The following NRG3 variants were observed in gnomAD, a reference collection of about 807,000 sequenced individuals.
The protein encoded by NRG3 is pro-neuregulin-3, membrane-bound isoform.
A neutral mutation model predicts 66.9 loss-of-function variants in NRG3; 31 were observed. The ratio of observed to expected loss-of-function variants is 0.46; its 90% confidence interval spans 0.35 to 0.63. The LOEUF (loss-of-function observed/expected upper bound fraction) is 0.63, where lower values mean the gene tolerates loss of function less well. Among genes scored for constraint, NRG3 ranks in the 20% least tolerant of loss-of-function variants. The probability of loss-of-function intolerance (pLI) is 0.00; values close to 1 mark genes in which losing one functional copy is unlikely to be tolerated. For missense variants in NRG3, 910 were observed against 878.9 expected (o/e 1.04, Z -0.45); for synonymous variants, 393 against 359.4 (o/e 1.09, Z -1.06).
chr10:82,660,530 T>G (rs2052273736), intron 2 of NRG3, among the ~76,000 whole-genome samples: 1 of 152,182 alleles, frequency 6.6e-6, no homozygotes, highest in African/African-American at 2.4e-5. Flanking sequence ...AAGACATTAA[T>G]GTAAAGTGGC....
chr10:82,748,824 T>A (rs890909458), intron 3 of NRG3, among the ~76,000 whole-genome samples: 3 of 151,466 alleles, frequency 2.0e-5, no homozygotes, highest in African/African-American at 7.3e-5. Flanking sequence ...ATAAAATAAA[T>A]AAAATAATTT....
At chr10:82,918,337 C>T (rs1284339874) in intron 4 of NRG3, among the ~76,000 whole-genome samples, 1 of 152,122 alleles carries the variant, frequency 6.6e-6, no homozygotes, top group Non-Finnish European at 1.5e-5. Flanking sequence ...ATACCATCCT[C>T]ACTAGAAGAC....
intron 1 of NRG3, among the ~76,000 whole-genome samples, chr10:81,923,919 T>G (rs1169099017): frequency 6.6e-6 from 1 of 152,318 alleles, no homozygotes; most frequent in South Asian, 2.1e-4. Flanking sequence ...GGTGAGCATG[T>G]AGAAACAGGC....
At chr10:82,103,657 G>T (rs2066891877) in intron 1 of NRG3, among the ~76,000 whole-genome samples, 1 of 152,066 alleles carries the variant, frequency 6.6e-6, no homozygotes, top group African/African-American at 2.4e-5. Flanking sequence ...AATTTTGTTG[G>T]TTTATACACA....
intron 2 of NRG3, among the ~76,000 whole-genome samples, chr10:82,520,518 G>C (rs374716159): frequency 6.6e-6 from 1 of 152,040 alleles, no homozygotes; most frequent in Non-Finnish European, 1.5e-5. Flanking sequence ...ATCTCAACCA[G>C]CTTCTCTCAT....
chr10:82,475,919 A>G (rs1408589066), intron 2 of NRG3, among the ~76,000 whole-genome samples: 1 of 152,216 alleles, frequency 6.6e-6, no homozygotes, highest in East Asian at 1.9e-4. Flanking sequence ...GGAATGGGAG[A>G]AAACATTTGA....
chr10:82,967,599 C>A (rs1215524873), intron 6 of NRG3, among the ~76,000 whole-genome samples: 1 of 152,136 alleles, frequency 6.6e-6, no homozygotes, highest in Admixed American at 6.6e-5. Context: ...AGTGTTTCTT[C>A]ACTTTTTTTC....
At chr10:82,450,479 A>C (rs1290213088) in intron 2 of NRG3, among the ~76,000 whole-genome samples, 2 of 152,122 alleles carry the variant, frequency 1.3e-5, no homozygotes, top group Non-Finnish European at 2.9e-5. Context: ...TTATATAATA[A>C]ACCAAAATCT....
intron 4 of NRG3, among the ~76,000 whole-genome samples, chr10:82,916,540 C>T (rs970958939): frequency 6.6e-6 from 1 of 152,106 alleles, no homozygotes; most frequent in Non-Finnish European, 1.5e-5. Context: ...ATGTTAGTCA[C>T]CTTTGTGTGA....
intron 1 of NRG3, 126 bp from the exon 2 acceptor site, chr10:82,358,613 T>C (rs749939007): frequency 7.7e-7 from 1 of 1,293,172 alleles, no homozygotes; most frequent in Non-Finnish European, 1.1e-6. Context: ...TGGAGCTGTC[T>C]GTCTAGAGTC....
chr10:82,972,947 G>A (rs899606814), intron 6 of NRG3, among the ~76,000 whole-genome samples: 1 of 152,058 alleles, frequency 6.6e-6, no homozygotes, highest in African/African-American at 2.4e-5. Flanking sequence ...TTGACACATT[G>A]GGTACTGAAT....
At chr10:82,231,987 C>T (rs575506002) in intron 1 of NRG3, among the ~76,000 whole-genome samples, 16 of 152,290 alleles carry the variant, frequency 1.1e-4, no homozygotes, top group African/African-American at 3.8e-4. Context: ...TTCACTGACT[C>T]CTACATGAAC....
At chr10:82,633,352 G>T (rs2049974921) in intron 2 of NRG3, among the ~76,000 whole-genome samples, 1 of 152,136 alleles carries the variant, frequency 6.6e-6, no homozygotes, top group Admixed American at 6.5e-5. Flanking sequence ...ACAAAGCCAG[G>T]TTTCTCTGAG....
intron 3 of NRG3, among the ~76,000 whole-genome samples, chr10:82,847,129 T>A (rs188917298): frequency 1.3e-5 from 2 of 152,342 alleles, no homozygotes; most frequent in East Asian, 3.9e-4. Context: ...GGAAGGCTGC[T>A]CTGTCCAGCC....
At chr10:82,918,384 T>G (rs1846092279) in intron 4 of NRG3, among the ~76,000 whole-genome samples, 1 of 152,152 alleles carries the variant, frequency 6.6e-6, no homozygotes. Flanking sequence ...AGCCTTGTTT[T>G]CTGGTAAAAT....
chr10:82,722,696 C>T (rs895994153), intron 2 of NRG3, among the ~76,000 whole-genome samples: 2 of 152,222 alleles, frequency 1.3e-5, no homozygotes, highest in African/African-American at 4.8e-5. Context: ...ATAAATAGCA[C>T]ACTAAGCCTC....
chr10:82,194,438 A>G lies in NRG3; in HGVS notation c.824-164301A>G, dbSNP rs183146949. Among the ~76,000 whole-genome samples the G allele has an allele frequency of 7.2e-3, 1,095 of 152,224 alleles. 28 individuals carry two copies. The highest frequency in any genetic ancestry group is 0.017 in the Admixed American group (255 of 15,298). On this transcript the variant is annotated intron_variant, in intron 1 of 8. Transcript: ENST00000372141. Reference sequence around the variant, plus strand: ...GAACAAAGTCCTTGAGTAGATGAGAAGTGGAATCCAGAGTATAAGCAAAGA... The same window carrying G: ...GAACAAAGTCCTTGAGTAGATGAGAGGTGGAATCCAGAGTATAAGCAAAGA...
chr10:82,650,838 G>A (rs906283301), intron 2 of NRG3, among the ~76,000 whole-genome samples: 2 of 152,126 alleles, frequency 1.3e-5, no homozygotes, highest in Non-Finnish European at 2.9e-5. Context: ...AAAAGAAGCA[G>A]ATGCCAGGGC....
At chr10:82,356,024 G>A (rs541152713) in intron 1 of NRG3, among the ~76,000 whole-genome samples, 10 of 152,150 alleles carry the variant, frequency 6.6e-5, no homozygotes, top group Non-Finnish European at 8.8e-5. Context: ...GAAATGGAAA[G>A]CCTCAGTACA....
Sources: gnomAD v4.1 joint callset for allele counts (sites outside exome capture counted in the v4.1 genomes callset) on GRCh38, gnomAD v4.1.1 for gene constraint, MANE v1.5 for transcripts, NCBI Gene and HGNC (gene_info 2026-07-23, HGNC 2026-07-21) for gene names.